The following LRRTM4 variants were observed in gnomAD, a reference collection of about 807,000 sequenced individuals.
LRRTM4 encodes the protein leucine-rich repeat transmembrane neuronal protein 4.
LRRTM4 carries 25 observed loss-of-function variants against 47.6 expected under a neutral mutation model. That is an observed-to-expected ratio of 0.53 (90% CI 0.38 to 0.73). The LOEUF is 0.73. LRRTM4 is among the 30% of genes least tolerant of loss of function. LRRTM4 has a pLI of 0.00. For missense variants in LRRTM4, 638 were observed against 713.4 expected, an observed-to-expected ratio of 0.89 and a Z score of 1.20; for synonymous variants, 311 against 269.5, an observed-to-expected ratio of 1.15 and a Z score of -1.51.
At chr2:77,146,255 G>A (rs552175123) in intron 3 of LRRTM4, among the ~76,000 whole-genome samples, 1 of 152,148 alleles carries the variant, frequency 6.6e-6, no homozygotes, top group African/African-American at 2.4e-5. Flanking sequence ...CAGAATTATA[G>A]TCATGACAGG....
At chr2:76,870,472 C>A (rs11886545) in intron 3 of LRRTM4, among the ~76,000 whole-genome samples, 59,431 of 151,752 alleles carry the variant, frequency 0.39, 13,111 homozygotes, top group East Asian at 0.76. Flanking sequence ...GGAAAAAAAA[C>A]CACATTTTTT....
chr2:77,341,051 T>A (rs1671354339), intron 3 of LRRTM4, among the ~76,000 whole-genome samples: 1 of 151,910 alleles, frequency 6.6e-6, no homozygotes. Flanking sequence ...ATAGTGGATG[T>A]CTCCTATTAT....
intron 3 of LRRTM4, among the ~76,000 whole-genome samples, chr2:76,763,968 G>A (rs1673358589): frequency 6.6e-6 from 1 of 152,100 alleles, no homozygotes. Context: ...GGTCATTCTG[G>A]TCAGGTCTCA....
chr2:77,100,226 G>A (rs1033620546), intron 3 of LRRTM4, among the ~76,000 whole-genome samples: 4 of 152,152 alleles, frequency 2.6e-5, no homozygotes, highest in Non-Finnish European at 5.9e-5. Context: ...AACTTGGGTT[G>A]AGAAATTTAT....
At chr2:77,508,277 C>A (rs935032186) in intron 3 of LRRTM4, among the ~76,000 whole-genome samples, 1 of 152,162 alleles carries the variant, frequency 6.6e-6, no homozygotes, top group Non-Finnish European at 1.5e-5. Context: ...GATTACTCGA[C>A]ACAAACTCTG....
intron 3 of LRRTM4, among the ~76,000 whole-genome samples, chr2:77,108,575 A>G (rs1572970062): frequency 7.6e-6 from 1 of 132,052 alleles, no homozygotes; most frequent in Non-Finnish European, 1.5e-5. Context: ...GAACACAAAC[A>G]TTCTTTTTTT....
chr2:77,074,289 G>A (rs984969040), intron 3 of LRRTM4, among the ~76,000 whole-genome samples: 1 of 152,044 alleles, frequency 6.6e-6, no homozygotes, highest in Non-Finnish European at 1.5e-5. Context: ...TGTACATCCT[G>A]TGTTCTTGGG....
At chr2:77,303,738 G>A (rs1677200680) in intron 3 of LRRTM4, among the ~76,000 whole-genome samples, 1 of 152,142 alleles carries the variant, frequency 6.6e-6, no homozygotes, top group Admixed American at 6.5e-5. Flanking sequence ...TTTAGTTCAT[G>A]TAATATAATG....
At chr2:77,186,177 G>A (rs1439022503) in intron 3 of LRRTM4, among the ~76,000 whole-genome samples, 1 of 151,986 alleles carries the variant, frequency 6.6e-6, no homozygotes, top group Admixed American at 6.6e-5. Context: ...TTCCCACCTC[G>A]CTTCCTTTGC....
chr2:77,216,839 G>A (rs1452792634), intron 3 of LRRTM4, among the ~76,000 whole-genome samples: 3 of 151,930 alleles, frequency 2.0e-5, no homozygotes, highest in Admixed American at 6.6e-5. Context: ...TTGGGAGGCC[G>A]AGGCAGGCAG....
chr2:77,152,714 T>C (rs72807284), intron 3 of LRRTM4, among the ~76,000 whole-genome samples: 8,621 of 152,194 alleles, frequency 0.057, 541 homozygotes, highest in African/African-American at 0.15. Flanking sequence ...AATGAGCGAA[T>C]ACCTGAGAAG....
At position 77,521,704 on chromosome 2, in the gene LRRTM4, T is replaced by A; in HGVS notation, c.-33A>T. The A allele has an allele frequency of 6.2e-7, 1 of 1,612,052 alleles. No individual in the cohort carries two copies. The highest frequency in any genetic ancestry group is 8.5e-7 in the Non-Finnish European group (1 of 1,178,972). ...CATCCAAAAACGTTTCCCCCCTCTC[T>A]CAGCTTTCTTCTTATTTGGTCTCTT... is the stretch of plus-strand genomic sequence containing the variant. On this transcript the variant is annotated 5_prime_UTR_variant, in exon 2 of 4. It introduces an in-frame stop codon into an upstream open reading frame of the 5' UTR. Transcript: ENST00000409884.
At chr2:76,911,420 A>T (rs1674051540) in intron 3 of LRRTM4, among the ~76,000 whole-genome samples, 1 of 152,238 alleles carries the variant, frequency 6.6e-6, no homozygotes, top group South Asian at 2.1e-4. Flanking sequence ...GCTTCCCCAA[A>T]ACAATTACAT....
At chr2:76,769,065 C>A (rs1673576759) in intron 3 of LRRTM4, among the ~76,000 whole-genome samples, 1 of 152,102 alleles carries the variant, frequency 6.6e-6, no homozygotes, top group African/African-American at 2.4e-5. Flanking sequence ...CTTTGAGGGC[C>A]TCCTCATAAT....
intron 3 of LRRTM4, among the ~76,000 whole-genome samples, chr2:77,103,322 A>G (rs11889639): frequency 0.39 from 59,764 of 151,944 alleles, 13,512 homozygotes; most frequent in East Asian, 0.68. Context: ...GATATGAGAG[A>G]CATTGCACAG....
At chr2:77,269,685 A>T (rs1676142205) in intron 3 of LRRTM4, among the ~76,000 whole-genome samples, 1 of 152,292 alleles carries the variant, frequency 6.6e-6, no homozygotes, top group East Asian at 1.9e-4. Context: ...ATAAACAAGG[A>T]TCTTTGTTAA....
chr2:77,179,532 C>T (rs1331621126), intron 3 of LRRTM4, among the ~76,000 whole-genome samples: 1 of 151,924 alleles, frequency 6.6e-6, no homozygotes, highest in African/African-American at 2.4e-5. Context: ...ACTTGTCGTT[C>T]GTCAGTATTT....
At chr2:77,238,594 C>A (rs1296173767) in intron 3 of LRRTM4, among the ~76,000 whole-genome samples, 2 of 151,932 alleles carry the variant, frequency 1.3e-5, no homozygotes, top group African/African-American at 4.8e-5. Context: ...GGGTAAACAG[C>A]ACGCCGAGAG....
At position 76,842,014 on chromosome 2, in the gene LRRTM4, A is replaced by T. The variant is rs187229978; in HGVS notation, c.1552-93098T>A. Among the ~76,000 whole-genome samples, 182 of 152,244 alleles carry T rather than the reference A, an allele frequency of 1.2e-3. 4 individuals carry two copies. In the East Asian group the frequency reaches 0.03, roughly 25 times the overall value. ...AGACTGAGCTACTGGATGTCCAGAG[A>T]GCTGGTTAAACATTATTTCTGGGTG... On this transcript the variant is annotated intron_variant, in intron 3 of 3. Coordinates refer to ENST00000409884, the MANE Select transcript of LRRTM4 (RefSeq NM_001134745.3).
Sources: allele counts gnomAD v4.1 joint callset (sites outside exome capture counted in the v4.1 genomes callset), GRCh38; gene constraint gnomAD v4.1.1; transcripts MANE v1.5; gene names NCBI Gene and HGNC (gene_info 2026-07-23, HGNC 2026-07-21).